Variants in ZFHX3 observed in about 807,000 individuals in gnomAD.
ZFHX3 encodes zinc finger homeobox 3, also known as zinc finger homeobox protein 3.
Under a neutral mutation model 279.1 loss-of-function variants are expected in ZFHX3, and 42 were observed. That is an observed-to-expected ratio of 0.15 (90% CI 0.12 to 0.19). The LOEUF is 0.19. Among genes scored for constraint, ZFHX3 ranks in the 10% least tolerant of loss-of-function variants. ZFHX3 has a pLI of 1.00. For synonymous variants in ZFHX3, 2,293 were observed against 1,957.8 expected (o/e 1.17, Z -4.52); for missense variants, 4,981 against 4,754.0 (o/e 1.05, Z -1.40).
intron 3 of ZFHX3, among the ~76,000 whole-genome samples, chr16:73,404,138 C>G (rs956733819): frequency 6.6e-6 from 1 of 152,160 alleles, no homozygotes; most frequent in African/African-American, 2.4e-5. Context: ...GCCAAGGATC[C>G]AGTTTCAGGG....
At chr16:73,441,684 G>C (rs999313552) in intron 3 of ZFHX3, among the ~76,000 whole-genome samples, 2 of 152,128 alleles carry the variant, frequency 1.3e-5, no homozygotes, top group African/African-American at 4.8e-5. Flanking sequence ...CAACCACCCT[G>C]AGCTGGGAGT....
At chr16:73,866,119 C>T (rs1401033372) in intron 1 of ZFHX3, among the ~76,000 whole-genome samples, 1 of 151,548 alleles carries the variant, frequency 6.6e-6, no homozygotes, top group Non-Finnish European at 1.5e-5. Context: ...CCTCTCACCA[C>T]AGCCTACCAA....
intron 5 of ZFHX3, among the ~76,000 whole-genome samples, chr16:72,814,415 C>G (rs374188227): frequency 9.2e-5 from 14 of 152,166 alleles, no homozygotes; most frequent in African/African-American, 3.4e-4. Context: ...CTGAGACCAC[C>G]CGACTCATCT....
intron 2 of ZFHX3, among the ~76,000 whole-genome samples, chr16:73,527,215 CAA>C (rs2019711208): frequency 6.6e-6 from 1 of 152,108 alleles, no homozygotes; most frequent in Non-Finnish European, 1.5e-5. Context: ...AACGTCTATT[CAA>C]AAGAGTTCAG....
intron 7 of ZFHX3, among the ~76,000 whole-genome samples, chr16:72,804,279 G>A (rs1238561544): frequency 1.3e-5 from 2 of 152,164 alleles, no homozygotes; most frequent in Non-Finnish European, 2.9e-5. Flanking sequence ...AATAAACACT[G>A]TACAGGATCC....
chr16:73,058,671 T>TCGG (rs1166152869), exon 1 of ZFHX3: 79 of 203,598 alleles, frequency 3.9e-4, no homozygotes, highest in African/African-American at 2.1e-3. Context: ...CTGGCGGGGG[T>TCGG]CGGCGGCGGC....
At position 73,146,459 on chromosome 16, in the gene ZFHX3, A is replaced by G. The variant is rs373209195; in HGVS notation, c.-1103-2628T>C. Among the ~76,000 whole-genome samples the G allele has an allele frequency of 3.2e-4, 48 of 152,088 alleles. 2 individuals carry two copies. In the South Asian group the frequency reaches 4.4e-3, roughly 14 times the overall value. On this transcript the variant is annotated intron_variant, in intron 5 of 17. Transcript: ENST00000641206. ...AAAAAAAAAAGATCTTCTGAAAGGC[A>G]TACGGACCATGGAGGATCAGCTAAT...
intron 3 of ZFHX3, among the ~76,000 whole-genome samples, chr16:73,448,806 T>C (rs989578486): frequency 1.3e-5 from 2 of 151,812 alleles, no homozygotes; most frequent in African/African-American, 4.8e-5. Flanking sequence ...GTACATTCTA[T>C]GAGAAACTAA....
At chr16:72,954,062 C>A (rs1961125389) in intron 2 of ZFHX3, among the ~76,000 whole-genome samples, 1 of 152,196 alleles carries the variant, frequency 6.6e-6, no homozygotes, top group African/African-American at 2.4e-5. Context: ...CAAACAGGAG[C>A]AGGGCCCCTA....
In ZFHX3 at chr16:72,869,341, G is replaced by C. The variant is rs941491662; in HGVS notation, c.3448+20390C>G. 7.9e-5 allele frequency among the ~76,000 whole-genome samples: 12 copies of C among 152,062 alleles called. No individual in the cohort carries two copies. The East Asian group carries it at 2.3e-3, about 29-fold the overall frequency. On this transcript the variant is annotated intron_variant, in intron 4 of 9. Transcript: ENST00000268489. Reference sequence around the variant, plus strand: ...CCAGCCAGAGCCCTCGCCAACCAGAGGCTCAGTTATAGCAGAACACACTGA... The same window carrying C: ...CCAGCCAGAGCCCTCGCCAACCAGACGCTCAGTTATAGCAGAACACACTGA...
Position 72,957,478 on chromosome 16 carries a change from C to T in ZFHX3, c.2668G>A (p.Gly890Arg), listed in dbSNP as rs758050427. 1.8e-5 allele frequency: 29 copies of T among 1,613,812 alleles called. No homozygotes were observed. Among genetic ancestry groups the T allele is most frequent in the African/African-American group, 8.0e-5 (6 of 74,912 alleles). Residue 890 changes from glycine (G) to arginine (R), a missense_variant, in exon 2 of 10, where the codon GGA becomes AGA. Around this residue, in one of 7 missense-constraint regions of ZFHX3, gnomAD observed 1,751 missense variants for 1,770.0 expected, o/e 0.99. Coordinates refer to ENST00000268489, the MANE Select transcript of ZFHX3 (RefSeq NM_006885.4). ...AASDAQFMMS[G>R]FQLDPAGPMA... Reference sequence around the variant, plus strand: ...GGCCCGGCGGGATCCAGCTGGAATCCGCTCATCATGAACTGGGCGTCCGAG... The same window carrying T: ...GGCCCGGCGGGATCCAGCTGGAATCTGCTCATCATGAACTGGGCGTCCGAG...
intron 5 of ZFHX3, among the ~76,000 whole-genome samples, chr16:73,204,580 C>G (rs2011729026): frequency 6.6e-6 from 1 of 152,170 alleles, no homozygotes; most frequent in Non-Finnish European, 1.5e-5. Context: ...TGAAGCTTTG[C>G]TTGCTCACCT....
At chr16:73,751,944 T>A (rs2053765798) in intron 1 of ZFHX3, among the ~76,000 whole-genome samples, 2 of 152,158 alleles carry the variant, frequency 1.3e-5, no homozygotes, top group African/African-American at 4.8e-5. Context: ...AGAAGCCAGG[T>A]CAATCGGGTT....
intron 7 of ZFHX3, among the ~76,000 whole-genome samples, chr16:73,119,716 G>A (rs2144806966): frequency 6.6e-6 from 1 of 152,250 alleles, no homozygotes; most frequent in South Asian, 2.1e-4. Flanking sequence ...ATGGGGTCTT[G>A]CTCTATCCCC....
chr16:73,474,284 A>T (rs796144806), intron 2 of ZFHX3, among the ~76,000 whole-genome samples: 12 of 152,022 alleles, frequency 7.9e-5, no homozygotes, highest in African/African-American at 2.9e-4. Flanking sequence ...AGTAGCAGGG[A>T]TCACAGGTGT....
At chr16:73,438,921 A>T (rs8057001) in intron 3 of ZFHX3, among the ~76,000 whole-genome samples, 73,647 of 152,098 alleles carry the variant, frequency 0.48, 21,637 homozygotes, top group Non-Finnish European at 0.68. Flanking sequence ...GACAAAGGTG[A>T]CAGAGGCCCA....
intron 3 of ZFHX3, among the ~76,000 whole-genome samples, chr16:73,327,233 G>C (rs1019965773): frequency 5.3e-5 from 8 of 152,208 alleles, no homozygotes; most frequent in African/African-American, 1.9e-4. Flanking sequence ...GTAGAACAGG[G>C]AGAAGCAATC....
At chr16:73,515,458 G>C (rs2019503049) in intron 2 of ZFHX3, among the ~76,000 whole-genome samples, 1 of 151,024 alleles carries the variant, frequency 6.6e-6, no homozygotes, top group Non-Finnish European at 1.5e-5. Flanking sequence ...GAGAAAGAGA[G>C]AGATAGATAA....
intron 1 of ZFHX3, among the ~76,000 whole-genome samples, chr16:73,754,091 C>T (rs2053785032): frequency 6.6e-6 from 1 of 151,786 alleles, no homozygotes; most frequent in African/African-American, 2.4e-5. Flanking sequence ...CTGCAAACTC[C>T]TCTGGAATTC....
Sources: allele counts gnomAD v4.1 joint callset (sites outside exome capture counted in the v4.1 genomes callset), GRCh38; gene constraint gnomAD v4.1.1; regional missense constraint gnomAD v4.1.1; transcripts MANE v1.5; gene names NCBI Gene and HGNC (gene_info 2026-07-23, HGNC 2026-07-21).